The following FCER1A variants were observed in gnomAD, a reference collection of about 807,000 sequenced individuals.
FCER1A encodes the protein high affinity immunoglobulin epsilon receptor subunit alpha.
A neutral mutation model predicts 23.6 loss-of-function variants in FCER1A; 24 were observed. The observed-to-expected ratio is 1.02, with a 90% CI of 0.74 to 1.43. The LOEUF (loss-of-function observed/expected upper bound fraction) is 1.43, where lower values mean the gene tolerates loss of function less well. Among genes scored for constraint, FCER1A ranks in the 40% most tolerant of loss-of-function variants. FCER1A has a pLI of 0.00. For synonymous variants in FCER1A, 121 were observed against 108.8 expected (o/e 1.11, Z -0.70); for missense variants, 318 against 294.5 (o/e 1.08, Z -0.58).
chr1:159,302,468 G>T, intron 1 of FCER1A, 49 bp downstream of exon 1: 1 of 1,279,450 alleles, frequency 7.8e-7, no homozygotes, highest in Non-Finnish European at 1.1e-6. Context: ...AATGAATTTG[G>T]GGAGCAGCTG....
chr1:159,296,888 G>A (rs530571306), intron 1 of FCER1A, among the ~76,000 whole-genome samples: 4 of 152,210 alleles, frequency 2.6e-5, no homozygotes, highest in East Asian at 3.9e-4. Flanking sequence ...CCCTCCCACT[G>A]TTCCCATCCT....
At chr1:159,289,809 A>G (rs1652102893) in intron 1 of FCER1A, 1 of 152,076 alleles carries the variant, frequency 6.6e-6, no homozygotes, top group South Asian at 2.1e-4. Flanking sequence ...GGTGATGGCC[A>G]CACTACTCAC....
chr1:159,299,416 C>T (rs1652373449), upstream of FCER1A, among the ~76,000 whole-genome samples: 1 of 152,188 alleles, frequency 6.6e-6, no homozygotes, highest in Admixed American at 6.5e-5. Flanking sequence ...CCAGGCACGT[C>T]CCGAAACACA....
At chr1:159,292,473 G>A (rs1003480801) in intron 1 of FCER1A, among the ~76,000 whole-genome samples, 1 of 152,014 alleles carries the variant, frequency 6.6e-6, no homozygotes, top group Non-Finnish European at 1.5e-5. Context: ...CTGTCAGTAA[G>A]TCCCATTAAT....
At chr1:159,299,877 C>A (rs762448191), upstream of FCER1A, among the ~76,000 whole-genome samples, 1 of 149,664 alleles carries the variant, frequency 6.7e-6, no homozygotes, top group Non-Finnish European at 1.5e-5. Context: ...TGTGTTCCTT[C>A]TGTGTTCTTG....
intron 1 of FCER1A, among the ~76,000 whole-genome samples, chr1:159,294,102 C>A (rs1488694455): frequency 1.3e-5 from 2 of 152,170 alleles, no homozygotes; most frequent in African/African-American, 2.4e-5. Context: ...GAAATAGGAA[C>A]ACTTTTACAC....
Position 159,306,081 on chromosome 1 carries a change from A to G in FCER1A, c.425A>G (p.Lys142Arg), listed in dbSNP as rs781515119. The G allele has an allele frequency of 6.2e-6, 10 of 1,614,174 alleles. No homozygotes were observed. The East Asian group carries it at 1.6e-4, about 25-fold the overall frequency. ...GGTTGGAGGAACTGGGATGTGTACA[A>G]GGTGATCTATTATAAGGATGGTGAA... ...CHGWRNWDVYKVIYYKDGEAL... is the reference protein window; with the variant it reads ...CHGWRNWDVYRVIYYKDGEAL... The change falls in exon 4 of 5, where the codon AAG becomes AGG. Residue 142 changes from lysine to arginine, a missense_variant. By Grantham distance (26) the Lys-to-Arg change is conservative (BLOSUM62 2). Transcript: ENST00000693622.
At chr1:159,305,905 C>T (rs1399894799) in intron 3 of FCER1A, 83 bp from the exon 4 acceptor site, 1 of 1,229,292 alleles carries the variant, frequency 8.1e-7, no homozygotes, top group African/African-American at 1.5e-5. Flanking sequence ...CTGACACATG[C>T]TCTATGCGTG....
upstream of FCER1A, among the ~76,000 whole-genome samples, chr1:159,289,224 C>T (rs1402058793): frequency 2.6e-5 from 4 of 152,182 alleles, no homozygotes; most frequent in Non-Finnish European, 4.4e-5. Context: ...GGCAAGGTTA[C>T]TGTAGATCTT....
chr1:159,284,683 A>G, the FCER1A span, among the ~76,000 whole-genome samples: 4 of 152,196 alleles, frequency 2.6e-5, no homozygotes, highest in East Asian at 1.9e-4. Context: ...CTAATCTTTT[A>G]TGCATTCATA....
intron 1 of FCER1A, among the ~76,000 whole-genome samples, chr1:159,290,079 T>G (rs1231376121): frequency 6.6e-6 from 1 of 152,166 alleles, no homozygotes; most frequent in Admixed American, 6.5e-5. Context: ...TTGTAGGTTC[T>G]CCAGAAGAAC....
rs764190720 is a variant in FCER1A at position 159,306,151 on chromosome 1, T to A, written c.495T>A (p.Asn165Lys). 21 of 1,614,032 alleles carry A rather than the reference T, an allele frequency of 1.3e-5. No homozygotes were observed. The East Asian group carries it at 4.7e-4, about 36-fold the overall frequency. The change falls in exon 4 of 5, where the codon AAT (asparagine) becomes AAA (lysine). Residue 165 changes from asparagine to lysine, a missense_variant. Physicochemically the swap from Asn to Lys is moderately conservative, Grantham distance 94. Transcript: ENST00000693622. ...AGAACCACAACATCTCCATTACAAA[T>A]GCCACAGTTGAAGACAGTGGAACCT... is the stretch of plus-strand genomic sequence containing the variant. ...WYENHNISIT[N>K]ATVEDSGTYY...
chr1:159,306,117 A>C lies in FCER1A; in HGVS notation c.461A>C (p.Tyr154Ser), dbSNP rs1456033868. ...IYYKDGEALK[Y>S]WYENHNISIT... Reference sequence around the variant, plus strand: ...TATAAGGATGGTGAAGCTCTCAAGTACTGGTATGAGAACCACAACATCTCC... The same window carrying C: ...TATAAGGATGGTGAAGCTCTCAAGTCCTGGTATGAGAACCACAACATCTCC... Residue 154 changes from tyrosine (Y) to serine (S), a missense_variant, in exon 4 of 5, where the codon TAC becomes TCC. Coordinates refer to ENST00000693622, the MANE Select transcript of FCER1A (RefSeq NM_001387280.1). The C allele has an allele frequency of 6.2e-7, 1 of 1,614,150 alleles. No individual in the cohort carries two copies. Among genetic ancestry groups the C allele is most frequent in the Admixed American group, 1.7e-5 (1 of 60,012 alleles).
At position 159,307,871 on chromosome 1, in the gene FCER1A, G is replaced by T; in HGVS notation, c.713G>T (p.Arg238Ile). 6.2e-7 allele frequency: 1 copy of T among 1,613,530 alleles called. No individual in the cohort carries two copies. Among genetic ancestry groups the T allele is most frequent in the Non-Finnish European group, 8.5e-7 (1 of 1,179,566 alleles). The change falls in exon 5 of 5, where the codon AGA becomes ATA. Residue 238 changes from arginine (R) to isoleucine (I), a missense_variant. Transcript: ENST00000693622. Reference protein sequence around the residue: ...QQVTFLLKIKRTRKGFRLLNP... With the variant: ...QQVTFLLKIKITRKGFRLLNP... ...GTCACATTTCTCTTGAAGATTAAGA[G>T]AACCAGGAAAGGCTTCAGACTTCTG...
intron 1 of FCER1A, among the ~76,000 whole-genome samples, chr1:159,291,552 A>C (rs1439986067): frequency 6.6e-6 from 1 of 152,190 alleles, no homozygotes; most frequent in Non-Finnish European, 1.5e-5. Context: ...GAAAGATTTA[A>C]ATTGAATGAG....
At chr1:159,287,771 A>G (rs1438989289), upstream of FCER1A, among the ~76,000 whole-genome samples, 1 of 148,210 alleles carries the variant, frequency 6.7e-6, no homozygotes, top group Non-Finnish European at 1.5e-5. Context: ...TTTATATATA[A>G]ATATAAAATT....
At chr1:159,302,296 T>C (rs1652452893), upstream of FCER1A, 8 of 1,046,494 alleles carry the variant, frequency 7.6e-6, no homozygotes, top group Non-Finnish European at 1.2e-5. Flanking sequence ...TTCTGCTTTT[T>C]GGTTTTAAGC....
rs949076384 is a variant in FCER1A at position 159,302,949 on chromosome 1, C to G, written c.76+75C>G. ...GCTTTCCTCTCACTATTTTCTTCGTCCCATCACTTCTGCTTTCTAATGAGC... is the reference window on the plus strand; with the variant it reads ...GCTTTCCTCTCACTATTTTCTTCGTGCCATCACTTCTGCTTTCTAATGAGC... On this transcript the variant is annotated intron_variant, in intron 2 of 4. Transcript: ENST00000693622. 5 of 1,347,434 alleles carry G rather than the reference C, an allele frequency of 3.7e-6. No individual in the cohort carries two copies. In the African/African-American group the frequency reaches 7.2e-5, roughly 19 times the overall value. The allele number at this position is 1,347,434 out of a possible 1,614,324, so 83.5% of individuals were successfully genotyped here.
upstream of FCER1A, among the ~76,000 whole-genome samples, chr1:159,299,628 C>T (rs1360117647): frequency 6.6e-6 from 1 of 152,116 alleles, no homozygotes; most frequent in East Asian, 1.9e-4. Context: ...TTCCTGTACC[C>T]AGAATCAGAA....
Sources: allele counts gnomAD v4.1 joint callset (sites outside exome capture counted in the v4.1 genomes callset), GRCh38; gene constraint gnomAD v4.1.1; transcripts MANE v1.5; gene names NCBI Gene and HGNC (gene_info 2026-07-23, HGNC 2026-07-21).